UGGT2: variants seen among roughly 807,000 people sequenced by gnomAD.
UGGT2 encodes the protein UDP-glucose glycoprotein glucosyltransferase 2.
UGGT2 carries 180 observed loss-of-function variants against 192.1 expected under a neutral mutation model. The ratio of observed to expected loss-of-function variants is 0.94; its 90% CI spans 0.83 to 1.06. UGGT2 has a LOEUF of 1.06. UGGT2 is among the 50% of genes least tolerant of loss of function. The probability of loss-of-function intolerance (pLI) is 0.00; values close to 1 mark genes in which losing one functional copy is unlikely to be tolerated. For missense variants in UGGT2, 1,849 were observed against 1,795.7 expected (o/e 1.03, Z -0.54); for synonymous variants, 580 against 591.0 (o/e 0.98, Z 0.27).
intron 5 of UGGT2, among the ~76,000 whole-genome samples, chr13:96,012,170 A>G (rs2052182487): frequency 6.6e-6 from 1 of 152,100 alleles, no homozygotes; most frequent in Non-Finnish European, 1.5e-5. Flanking sequence ...ATGAAAAATT[A>G]GCATATGATG....
chr13:95,899,442 A>G (rs764441606), intron 22 of UGGT2, among the ~76,000 whole-genome samples: 1 of 152,124 alleles, frequency 6.6e-6, no homozygotes, highest in Non-Finnish European at 1.5e-5. Context: ...TGTAAGATTA[A>G]TATCTTAATA....
chr13:95,945,004 T>A (rs2049816548), intron 15 of UGGT2, among the ~76,000 whole-genome samples: 1 of 151,954 alleles, frequency 6.6e-6, no homozygotes. Flanking sequence ...TCTTAAAGTT[T>A]ATTTCCCCTA....
At chr13:95,973,869 G>C (rs1358602050) in intron 10 of UGGT2, among the ~76,000 whole-genome samples, 1 of 152,210 alleles carries the variant, frequency 6.6e-6, no homozygotes, top group African/African-American at 2.4e-5. Flanking sequence ...GTTTGCTATA[G>C]TTTAAATGTA....
intron 2 of UGGT2, among the ~76,000 whole-genome samples, chr13:96,029,505 C>T (rs1014563502): frequency 2.0e-5 from 3 of 151,974 alleles, no homozygotes; most frequent in African/African-American, 7.3e-5. Flanking sequence ...AGGCTGGTCT[C>T]GAACTCCTGG....
At chr13:95,955,833 A>AT (rs1407479936) in intron 12 of UGGT2, among the ~76,000 whole-genome samples, 1 of 152,218 alleles carries the variant, frequency 6.6e-6, no homozygotes, top group Non-Finnish European at 1.5e-5. Context: ...ACTTTAGGAA[A>AT]TGTTTAAACA....
At chr13:95,999,371 C>A in intron 5 of UGGT2, 64 bp from the exon 6 acceptor site, 1 of 1,421,180 alleles carries the variant, frequency 7.0e-7, no homozygotes, top group South Asian at 1.2e-5. Context: ...GTTTTAAAGT[C>A]AGTACCACGA....
In UGGT2 at chr13:95,927,353, G is replaced by C. The variant is rs1340353176; in HGVS notation, c.1978-17C>G. On this transcript the variant is annotated splice_polypyrimidine_tract_variant and intron_variant, in intron 17 of 38. Transcript: ENST00000376747. Reference sequence around the variant, plus strand: ...TAATGTGCCCTAAAAAAACAAAAATGTTATTTAGATAATACAGGCAATTTA... The same window carrying C: ...TAATGTGCCCTAAAAAAACAAAAATCTTATTTAGATAATACAGGCAATTTA... The C allele has an allele frequency of 1.3e-6, 2 of 1,585,406 alleles. No individual in the cohort carries two copies. Among genetic ancestry groups the C allele is most frequent in the Admixed American group, 3.7e-5 (2 of 54,224 alleles).
chr13:95,902,976 T>C lies in UGGT2; in HGVS notation c.2380A>G (p.Ile794Val), dbSNP rs1422215759. Residue 794 changes from isoleucine to valine, a missense_variant, in exon 21 of 39, where the codon ATT becomes GTT. Ile to Val is a conservative substitution (Grantham distance 29). Coordinates refer to ENST00000376747, the MANE Select transcript of UGGT2 (RefSeq NM_020121.4). ...NEENTAISRG[I>V]LAAFLTQKNM... ...TTCTGTGTAAGAAAAGCTGCCAAAA[T>C]TCCTCTAGAAATAGCTGTGTTCTCT... is the stretch of plus-strand genomic sequence containing the variant. The C allele has an allele frequency of 4.3e-6, 7 of 1,613,524 alleles. No individual in the cohort carries two copies. The highest frequency in any genetic ancestry group is 2.5e-6 in the Non-Finnish European group (3 of 1,179,696).
chr13:96,031,209 C>T (rs1401291389), intron 2 of UGGT2, among the ~76,000 whole-genome samples: 1 of 152,040 alleles, frequency 6.6e-6, no homozygotes, highest in Non-Finnish European at 1.5e-5. Flanking sequence ...CTTAGAACTA[C>T]TCTAAAAAAA....
At position 95,922,068 on chromosome 13, in the gene UGGT2, A is replaced by G. The variant is rs571306992; in HGVS notation, c.2295+3612T>C. 1.6e-4 allele frequency among the ~76,000 whole-genome samples: 25 copies of G among 152,364 alleles called. No homozygotes were observed. The South Asian group carries it at 2.3e-3, about 14-fold the overall frequency. Reference sequence around the variant, plus strand: ...GGACTGAATAAAGAAAATGTGACTCATATACACCATGGAATACTACACAAT... The same window carrying G: ...GGACTGAATAAAGAAAATGTGACTCGTATACACCATGGAATACTACACAAT... On this transcript the variant is annotated intron_variant, in intron 20 of 38. Coordinates refer to ENST00000376747, the MANE Select transcript of UGGT2 (RefSeq NM_020121.4).
chr13:95,948,045 C>A lies in UGGT2; in HGVS notation c.1492G>T (p.Asp498Tyr), dbSNP rs979708603. Reference sequence around the variant, plus strand: ...AAAACATCAGCAAGTTTTATAAAATCCAAGGTATATTCTTGGGCCGGATCA... The same window carrying A: ...AAAACATCAGCAAGTTTTATAAAATACAAGGTATATTCTTGGGCCGGATCA... ...FIDPAQEYTLDFIKLADVFYS... is the reference protein window; with the variant it reads ...FIDPAQEYTLYFIKLADVFYS... Residue 498 changes from aspartate (D) to tyrosine (Y), a missense_variant, in exon 14 of 39, where the codon GAT (aspartate) becomes TAT (tyrosine). By Grantham distance (160) the Asp-to-Tyr change is radical. Coordinates refer to ENST00000376747, the MANE Select transcript of UGGT2 (RefSeq NM_020121.4). 2 of 1,613,124 alleles carry A rather than the reference C, an allele frequency of 1.2e-6. No individual in the cohort carries two copies. Among genetic ancestry groups the A allele is most frequent in the East Asian group, 2.2e-5 (1 of 44,792 alleles).
intron 12 of UGGT2, among the ~76,000 whole-genome samples, chr13:95,962,072 GAT>G (rs1360351771): frequency 2.0e-5 from 3 of 152,082 alleles, no homozygotes; most frequent in Non-Finnish European, 2.9e-5. Flanking sequence ...AAACCTGTGG[GAT>G]ATAGCAAAAG....
intron 38 of UGGT2, among the ~76,000 whole-genome samples, chr13:95,823,324 T>C (rs1271003637): frequency 2.6e-5 from 4 of 152,108 alleles, no homozygotes; most frequent in Non-Finnish European, 5.9e-5. Context: ...CCACTGTTTG[T>C]TGGCTTTCTG....
At chr13:95,896,981 CTA>C (rs1277574301) in intron 22 of UGGT2, among the ~76,000 whole-genome samples, 5 of 152,098 alleles carry the variant, frequency 3.3e-5, no homozygotes, top group African/African-American at 1.2e-4. Context: ...AAATGTCTCT[CTA>C]CTCACAGAAG....
At chr13:95,897,993 C>A (rs1386996359) in intron 22 of UGGT2, among the ~76,000 whole-genome samples, 1 of 152,056 alleles carries the variant, frequency 6.6e-6, no homozygotes, top group Non-Finnish European at 1.5e-5. Flanking sequence ...CCTTGATCCA[C>A]AGTAACTCCA....
intron 15 of UGGT2, among the ~76,000 whole-genome samples, chr13:95,941,398 T>C (rs2049675342): frequency 6.6e-6 from 1 of 152,184 alleles, no homozygotes; most frequent in African/African-American, 2.4e-5. Context: ...CACAGGTATG[T>C]AATTAGACTG....
At chr13:95,829,581 G>C (rs889343533) in intron 38 of UGGT2, among the ~76,000 whole-genome samples, 5 of 152,104 alleles carry the variant, frequency 3.3e-5, no homozygotes, top group African/African-American at 1.2e-4. Context: ...TTGCTACAAA[G>C]AGAATAAAGT....
At chr13:95,988,682 T>C (rs951856998) in intron 8 of UGGT2, among the ~76,000 whole-genome samples, 1 of 152,142 alleles carries the variant, frequency 6.6e-6, no homozygotes, top group African/African-American at 2.4e-5. Flanking sequence ...AACATTTGTA[T>C]TAGGTAGGTA....
chr13:95,977,770 C>G (rs1392463892), intron 10 of UGGT2, among the ~76,000 whole-genome samples: 2 of 152,106 alleles, frequency 1.3e-5, no homozygotes, highest in Non-Finnish European at 2.9e-5. Context: ...TTATTTACAA[C>G]AGCAAAGACT....
Sources: allele counts gnomAD v4.1 joint callset (sites outside exome capture counted in the v4.1 genomes callset), GRCh38; gene constraint gnomAD v4.1.1; transcripts MANE v1.5; gene names NCBI Gene and HGNC (gene_info 2026-07-23, HGNC 2026-07-21).